Variants in TRIO observed in about 807,000 individuals in gnomAD.
TRIO encodes the protein trio Rho guanine nucleotide exchange factor.
TRIO carries 58 observed loss-of-function variants against 351.9 expected under a neutral mutation model. The observed-to-expected ratio is 0.16, with a 90% CI of 0.13 to 0.21. The LOEUF (loss-of-function observed/expected upper bound fraction) is 0.21. TRIO is among the 10% of genes least tolerant of loss of function. The pLI, the probability that TRIO is intolerant of heterozygous loss-of-function variation, is 1.00. For missense variants in TRIO, 3,201 were observed against 4,027.8 expected (o/e 0.79, Z 5.56); for synonymous variants, 1,758 against 1,595.7 (o/e 1.10, Z -2.42).
chr5:14,490,819 A>T, intron 48 of TRIO: 2 of 456,106 alleles, frequency 4.4e-6, no homozygotes, highest in Non-Finnish European at 8.8e-6. Context: ...TGTGCTGCAG[A>T]AGTTGTTTTT....
At chr5:14,261,660 G>A (rs567486603) in intron 1 of TRIO, among the ~76,000 whole-genome samples, 1 of 152,192 alleles carries the variant, frequency 6.6e-6, no homozygotes, top group African/African-American at 2.4e-5. Context: ...TGTGTTTCCT[G>A]CTTAGACACC....
chr5:14,497,861 C>A lies in TRIO; in HGVS notation c.8034C>A (p.Asn2678Lys). 1 of 1,614,220 alleles carries A rather than the reference C, an allele frequency of 6.2e-7. No individual in the cohort carries two copies. Among genetic ancestry groups the A allele is most frequent in the Non-Finnish European group, 8.5e-7 (1 of 1,180,046 alleles). ...TTCCATTTCAGCTTCTCAATCCCAA[C>A]TACATTTATGACGGTGAGTTCTGTT... is the stretch of plus-strand genomic sequence containing the variant. ...NKVSVKLLNP[N>K]YIYDVPPEFV... Residue 2678 changes from asparagine (N) to lysine (K), a missense_variant, in exon 51 of 57, where the codon AAC becomes AAA. Around this residue, in one of 19 missense-constraint regions of TRIO, gnomAD observed 1,089 missense variants for 954.9 expected, o/e 1.14. Transcript: ENST00000344204. This position sits in a 1 kb window ranked among gnomAD's most constrained non-coding sequence, Gnocchi z 4.4.
intron 35 of TRIO, 49 bp downstream of exon 35, chr5:14,461,360 C>G: frequency 6.9e-7 from 1 of 1,456,368 alleles, no homozygotes; most frequent in Non-Finnish European, 9.0e-7. Context: ...GCCCGCTGGG[C>G]TTTTGCTGCA....
At chr5:14,457,252 G>A (rs914026803) in intron 34 of TRIO, among the ~76,000 whole-genome samples, 19 of 151,210 alleles carry the variant, frequency 1.3e-4, no homozygotes, top group African/African-American at 3.2e-4. Flanking sequence ...TGTCACTTCC[G>A]TCATTCAATA....
rs1379856831 is a variant in TRIO at position 14,187,398 on chromosome 5, A to G, written c.157+43516A>G. On this transcript the variant is annotated intron_variant, in intron 1 of 56. Coordinates refer to ENST00000344204, the MANE Select transcript of TRIO (RefSeq NM_007118.4). Reference sequence around the variant, plus strand: ...CTCTTAAGGTACAGAGAGAATTGCCAGTCTTTCTGTATTACCGAGAAATTG... The same window carrying G: ...CTCTTAAGGTACAGAGAGAATTGCCGGTCTTTCTGTATTACCGAGAAATTG... 2.6e-5 allele frequency among the ~76,000 whole-genome samples: 4 copies of G among 152,102 alleles called. No individual in the cohort carries two copies. In the South Asian group the frequency reaches 6.2e-4, roughly 24 times the overall value.
At chr5:14,358,431 C>A in intron 12 of TRIO, 84 bp downstream of exon 12, 2 of 1,515,384 alleles carry the variant, frequency 1.3e-6, no homozygotes, top group Non-Finnish European at 1.8e-6. Context: ...TGTGAGTGGT[C>A]AGCTCTGCTT....
At chr5:14,419,035 G>A (rs893346281) in intron 33 of TRIO, among the ~76,000 whole-genome samples, 2 of 152,106 alleles carry the variant, frequency 1.3e-5, no homozygotes, top group African/African-American at 4.8e-5. Flanking sequence ...GTAGGCCTAG[G>A]TGAGAGTGAG....
At chr5:14,207,557 C>CACACACACACACACACA (rs58848680) in intron 1 of TRIO, among the ~76,000 whole-genome samples, 2 of 146,188 alleles carry the variant, frequency 1.4e-5, no homozygotes, top group African/African-American at 2.5e-5. Context: ...CACACACACA[C>CACACACACACACACACA]GGAGCCAGGT....
intron 33 of TRIO, 49 bp from the exon 34 acceptor site, chr5:14,419,729 C>A (rs953214745): frequency 1.3e-6 from 2 of 1,599,454 alleles, no homozygotes; most frequent in East Asian, 4.5e-5. Flanking sequence ...CCTGAAGGCA[C>A]CATGGCTCAC....
chr5:14,198,701 A>T (rs980601922), intron 1 of TRIO, among the ~76,000 whole-genome samples: 29 of 152,088 alleles, frequency 1.9e-4, no homozygotes, highest in Admixed American at 1.6e-3. Context: ...GAACCTCTTG[A>T]GCCCCTTGAT....
chr5:14,386,957 C>T (rs1746596886), intron 21 of TRIO, among the ~76,000 whole-genome samples: 1 of 152,200 alleles, frequency 6.6e-6, no homozygotes, highest in Non-Finnish European at 1.5e-5. Flanking sequence ...GCTGTGGGGA[C>T]AGCCGTGGCC....
chr5:14,454,113 G>A (rs1487537490), intron 34 of TRIO, among the ~76,000 whole-genome samples: 2 of 152,140 alleles, frequency 1.3e-5, no homozygotes, highest in Non-Finnish European at 2.9e-5. Flanking sequence ...AATTTTAGTA[G>A]AAACAGGGTT....
At chr5:14,251,358 C>A (rs774677519) in intron 1 of TRIO, among the ~76,000 whole-genome samples, 1 of 152,194 alleles carries the variant, frequency 6.6e-6, no homozygotes, top group African/African-American at 2.4e-5. Flanking sequence ...TCAGCACTCA[C>A]GGGCAGCACG....
chr5:14,292,250 A>C (rs1035241550), intron 5 of TRIO, among the ~76,000 whole-genome samples: 1 of 152,222 alleles, frequency 6.6e-6, no homozygotes, highest in African/African-American at 2.4e-5. Flanking sequence ...TGTATCTGTC[A>C]GTGTTCTTTT....
chr5:14,179,529 G>A (rs1420800042), intron 1 of TRIO, among the ~76,000 whole-genome samples: 5 of 150,242 alleles, frequency 3.3e-5, no homozygotes, highest in Admixed American at 6.6e-5. Context: ...GCACAATCAC[G>A]GCTCACTGCA....
At chr5:14,291,283 G>T in intron 5 of TRIO, 55 bp downstream of exon 5, 1 of 1,559,090 alleles carries the variant, frequency 6.4e-7, no homozygotes, top group Non-Finnish European at 8.7e-7. Flanking sequence ...CAGCGCTGGT[G>T]GGTTCGGGTG....
At position 14,406,582 on chromosome 5, in the gene TRIO, G is replaced by T. The variant is rs1416475027; in HGVS notation, c.4869G>T (p.Glu1623Asp). The stretch of plus-strand genomic sequence containing the variant: ...TTCTTTGCACCGCCAGGGATGGAGA[G>T]GATCTGGACAGCCAAGGAGACGGCA... ...ATRQKGRRDG[E>D]DLDSQGDGSS... Residue 1623 changes from glutamate (E) to aspartate (D), a missense_variant, in exon 33 of 57, where the codon GAG becomes GAT. Glu to Asp is a conservative substitution (Grantham distance 45). Around this residue, in one of 19 missense-constraint regions of TRIO, gnomAD observed 136 missense variants for 229.5 expected, o/e 0.59. Transcript: ENST00000344204. 1 of 1,614,032 alleles carries T rather than the reference G, an allele frequency of 6.2e-7. No individual in the cohort carries two copies. The highest frequency in any genetic ancestry group is 2.2e-5 in the East Asian group (1 of 44,870).
intron 34 of TRIO, among the ~76,000 whole-genome samples, chr5:14,436,183 G>T (rs1202634691): frequency 6.6e-6 from 1 of 152,192 alleles, no homozygotes; most frequent in Non-Finnish European, 1.5e-5. Flanking sequence ...TGTGACTGGG[G>T]AGGCGTCACA....
At chr5:14,318,622 A>G (rs1002376689) in intron 9 of TRIO, among the ~76,000 whole-genome samples, 1 of 152,218 alleles carries the variant, frequency 6.6e-6, no homozygotes, top group Non-Finnish European at 1.5e-5. Flanking sequence ...GTTTTAGTCC[A>G]AGAAGATAAT....
Sources: allele counts gnomAD v4.1 joint callset (sites outside exome capture counted in the v4.1 genomes callset), GRCh38; gene constraint gnomAD v4.1.1; regional missense constraint gnomAD v4.1.1; non-coding constraint Gnocchi (gnomAD v3.1); transcripts MANE v1.5; gene names NCBI Gene and HGNC (gene_info 2026-07-23, HGNC 2026-07-21).